Variants in UBN2 observed in about 807,000 individuals in gnomAD.
UBN2 encodes the protein ubinuclein 2.
In UBN2, 35 loss-of-function variants were observed where a neutral mutation model predicts 120.2. The observed-to-expected ratio is 0.29, with a 90% CI of 0.22 to 0.39. UBN2 has a LOEUF of 0.39. Ranked by LOEUF, UBN2 falls within the 10% of genes least tolerant of loss-of-function variation. The probability of loss-of-function intolerance (pLI) is 1.00; values close to 1 mark genes in which losing one functional copy is unlikely to be tolerated. For missense variants in UBN2, 1,693 were observed against 1,663.2 expected, an observed-to-expected ratio of 1.02 and a Z score of -0.31; for synonymous variants, 661 against 648.7, an observed-to-expected ratio of 1.02 and a Z score of -0.29.
chr7:139,261,949 T>TTTC (rs1796949674), intron 6 of UBN2, among the ~76,000 whole-genome samples: 1 of 113,060 alleles, frequency 8.8e-6, no homozygotes, highest in Admixed American at 1.1e-4. Context: ...TCTTTCTTTC[T>TTTC]TTTTTTTTTT....
chr7:139,286,193 G>A (rs1437617856), intron 15 of UBN2, among the ~76,000 whole-genome samples: 1 of 152,066 alleles, frequency 6.6e-6, no homozygotes, highest in African/African-American at 2.4e-5. Context: ...CTCCCAAAGT[G>A]CTGGGCTTAC....
At chr7:139,317,328 C>T in the UBN2 span, among the ~76,000 whole-genome samples, 122 of 151,982 alleles carry the variant, frequency 8.0e-4, 2 homozygotes, top group African/African-American at 2.7e-3. Context: ...CATACCACCA[C>T]GCCCAGCTAG....
At chr7:139,244,054 A>G (rs1428521354) in intron 2 of UBN2, among the ~76,000 whole-genome samples, 1 of 152,180 alleles carries the variant, frequency 6.6e-6, no homozygotes, top group Non-Finnish European at 1.5e-5. Flanking sequence ...AAAGCTAATG[A>G]TAGAAAGTAA....
chr7:139,324,926 C>T, the UBN2 span, among the ~76,000 whole-genome samples: 9 of 151,734 alleles, frequency 5.9e-5, no homozygotes, highest in Non-Finnish European at 4.4e-5. Flanking sequence ...GCCGAGATTG[C>T]GCCACTGGAC....
intron 1 of UBN2, among the ~76,000 whole-genome samples, chr7:139,232,763 G>T (rs1399762552): frequency 6.6e-6 from 1 of 152,134 alleles, no homozygotes; most frequent in East Asian, 1.9e-4. Context: ...ATTTTCGGAG[G>T]ATGATGAAAA....
chr7:139,246,155 A>G (rs1050222984), intron 2 of UBN2, among the ~76,000 whole-genome samples: 1 of 152,160 alleles, frequency 6.6e-6, no homozygotes, highest in Non-Finnish European at 1.5e-5. Context: ...ACCTGAGGTC[A>G]GGGGTTCGAG....
At chr7:139,294,068 A>T in intron 17 of UBN2, 87 bp downstream of exon 17, 1 of 1,404,808 alleles carries the variant, frequency 7.1e-7, no homozygotes, top group South Asian at 1.2e-5. Flanking sequence ...TGTGAATGGA[A>T]TGACAAAGGT....
chr7:139,231,514 T>C lies in UBN2; in HGVS notation c.30T>C (p.Ile10=), dbSNP rs1343448648. 1.6e-5 allele frequency: 22 copies of C among 1,416,162 alleles called. No homozygotes were observed. Among genetic ancestry groups the C allele is most frequent in the Non-Finnish European group, 2.0e-5 (22 of 1,077,174 alleles). The allele number at this position is 1,416,162 out of a possible 1,614,324, so 87.7% of individuals were successfully genotyped here. MAEPRRVAF[I]SLSPVRRREA... Reference sequence around the variant, plus strand: ...CGGAGCCGCGCAGAGTAGCGTTCATTAGCTTGTCACCGGTGCGGCGGCGCG... The same window carrying C: ...CGGAGCCGCGCAGAGTAGCGTTCATCAGCTTGTCACCGGTGCGGCGGCGCG... Residue 10 remains isoleucine (I), a synonymous_variant, in exon 1 of 18, where the codon ATT becomes ATC. Coordinates refer to ENST00000473989, the MANE Select transcript of UBN2 (RefSeq NM_173569.4).
chr7:139,241,266 A>G (rs930523501), intron 2 of UBN2, among the ~76,000 whole-genome samples: 3 of 152,204 alleles, frequency 2.0e-5, no homozygotes, highest in Non-Finnish European at 4.4e-5. Context: ...GAAAGATCAT[A>G]CTGTCCTAGA....
chr7:139,312,406 G>A (rs749441270), downstream of UBN2, among the ~76,000 whole-genome samples: 2 of 152,154 alleles, frequency 1.3e-5, no homozygotes, highest in Admixed American at 6.5e-5. Context: ...TAGTGTGCAC[G>A]CACCACATTA....
chr7:139,264,257 G>A (rs1797024910), intron 6 of UBN2, among the ~76,000 whole-genome samples: 1 of 152,096 alleles, frequency 6.6e-6, no homozygotes, highest in African/African-American at 2.4e-5. Flanking sequence ...TCCTCTTAGA[G>A]ATTACCAACT....
In UBN2 at chr7:139,269,290, TGAAAA is replaced by T. The variant is rs1417969116; in HGVS notation, c.1467-101_1467-97del. 3 of 1,190,018 alleles carry T rather than the reference TGAAAA, an allele frequency of 2.5e-6. No individual in the cohort carries two copies. In the East Asian group the frequency reaches 7.4e-5, roughly 30 times the overall value. 73.7% of individuals were successfully genotyped at this position (1,190,018 alleles called of 1,614,324 possible). ...ATGAAGAATACTGTTTAGGAAATCA[TGAAAA>T]GATAAAATGAGAACAAGAACTGGCT... On this transcript the variant is annotated intron_variant, in intron 7 of 17. Transcript: ENST00000473989.
chr7:139,317,002 A>G, the UBN2 span, among the ~76,000 whole-genome samples: 3,756 of 149,090 alleles, frequency 0.025, 163 homozygotes, highest in African/African-American at 0.088. Flanking sequence ...GTGTGGTCTC[A>G]GCTCACTGCA....
At chr7:139,320,725 C>T in the UBN2 span, among the ~76,000 whole-genome samples, 6 of 151,630 alleles carry the variant, frequency 4.0e-5, no homozygotes, top group East Asian at 9.8e-4. Context: ...GACATGGTAG[C>T]GGGTGCCTGT....
intron 12 of UBN2, 73 bp downstream of exon 12, chr7:139,276,220 T>C: frequency 7.2e-7 from 1 of 1,392,560 alleles, no homozygotes; most frequent in Non-Finnish European, 1.0e-6. Flanking sequence ...GTATCATTTA[T>C]TAAATGCTAG....
chr7:139,286,425 T>A (rs1005413528), intron 15 of UBN2, among the ~76,000 whole-genome samples: 14 of 152,314 alleles, frequency 9.2e-5, no homozygotes, highest in Admixed American at 3.3e-4. Context: ...CTATGCCACT[T>A]CTTTGTATTC....
rs528507397 is a variant in UBN2, at chr7:139,283,230, G to A, written c.2325G>A (p.Ala775=). 1.3e-5 allele frequency: 21 copies of A among 1,612,866 alleles called. No individual in the cohort carries two copies. The highest frequency in any genetic ancestry group is 6.7e-5 in the African/African-American group (5 of 74,440). The change falls in exon 15 of 18, where the codon GCG becomes GCA. Residue 775 remains alanine (A), a synonymous_variant. Coordinates refer to ENST00000473989, the MANE Select transcript of UBN2 (RefSeq NM_173569.4). The part of the protein sequence containing the change: ...PSLDLVSEAL[A]VINNGNKGPP... ...TGGATCTTGTTTCTGAAGCTTTAGCGGTTATCAACAATGGGAACAAGGGCC... is the reference window on the plus strand; with the variant it reads ...TGGATCTTGTTTCTGAAGCTTTAGCAGTTATCAACAATGGGAACAAGGGCC...
the UBN2 span, among the ~76,000 whole-genome samples, chr7:139,317,721 G>A: frequency 9.8e-4 from 149 of 151,860 alleles, 1 homozygote; most frequent in African/African-American, 3.4e-3. Flanking sequence ...GGAGTGCAGT[G>A]GCACAGTCTT....
intron 6 of UBN2, among the ~76,000 whole-genome samples, chr7:139,266,066 T>C (rs1431439117): frequency 6.6e-6 from 1 of 151,722 alleles, no homozygotes; most frequent in Non-Finnish European, 1.5e-5. Flanking sequence ...GATTCTTTTT[T>C]TTTTTTTCAT....
Sources: gnomAD v4.1 joint callset for allele counts (sites outside exome capture counted in the v4.1 genomes callset) on GRCh38, gnomAD v4.1.1 for gene constraint, MANE v1.5 for transcripts, NCBI Gene and HGNC (gene_info 2026-07-23, HGNC 2026-07-21) for gene names.